SEMA6D: variants seen among roughly 807,000 people sequenced by gnomAD.
The protein encoded by SEMA6D is semaphorin-6D.
Under a neutral mutation model 106.6 loss-of-function variants are expected in SEMA6D, and 35 were observed. The observed-to-expected ratio is 0.33, with a 90% CI of 0.25 to 0.44. The LOEUF is 0.44. SEMA6D is among the 20% of genes least tolerant of loss of function. The pLI is 1.00. For missense variants in SEMA6D, 1,185 were observed against 1,345.9 expected, an observed-to-expected ratio of 0.88 and a Z score of 1.87; for synonymous variants, 499 against 487.7, an observed-to-expected ratio of 1.02 and a Z score of -0.31.
intron 4 of SEMA6D, among the ~76,000 whole-genome samples, chr15:47,696,284 C>G (rs1281416312): frequency 6.6e-6 from 1 of 152,146 alleles, no homozygotes; most frequent in Non-Finnish European, 1.5e-5. Context: ...CATTCTCTAC[C>G]TCTCCCCACA....
intron 3 of SEMA6D, among the ~76,000 whole-genome samples, chr15:47,483,558 T>G (rs2043213620): frequency 6.6e-6 from 1 of 152,204 alleles, no homozygotes; most frequent in Non-Finnish European, 1.5e-5. Context: ...GTCAGGTTTA[T>G]AGTCCATTCA....
At chr15:47,579,689 T>C (rs2076222198) in intron 3 of SEMA6D, among the ~76,000 whole-genome samples, 1 of 152,186 alleles carries the variant, frequency 6.6e-6, no homozygotes, top group Non-Finnish European at 1.5e-5. Flanking sequence ...TCCTGAAGAC[T>C]ACTTGGTAAT....
intron 1 of SEMA6D, among the ~76,000 whole-genome samples, chr15:47,396,016 T>C (rs2040201751): frequency 6.6e-6 from 1 of 152,092 alleles, no homozygotes; most frequent in Non-Finnish European, 1.5e-5. Flanking sequence ...ATGAAATTCA[T>C]GGTTTTATAA....
chr15:47,322,712 A>G (rs1160163325), intron 1 of SEMA6D, among the ~76,000 whole-genome samples: 1 of 152,282 alleles, frequency 6.6e-6, no homozygotes, highest in African/African-American at 2.4e-5. Context: ...CTTTCAGTTA[A>G]TGTTAACATC....
intron 4 of SEMA6D, among the ~76,000 whole-genome samples, chr15:47,677,566 C>A (rs991061218): frequency 2.0e-5 from 3 of 152,186 alleles, no homozygotes; most frequent in Non-Finnish European, 4.4e-5. Flanking sequence ...TTACAAATAT[C>A]TTTGAAAAAG....
At chr15:47,350,499 A>G (rs1028495263) in intron 1 of SEMA6D, among the ~76,000 whole-genome samples, 2 of 152,292 alleles carry the variant, frequency 1.3e-5, no homozygotes, top group South Asian at 2.1e-4. Flanking sequence ...GCAGCAAACC[A>G]CAGACGCTTC....
chr15:47,249,831 A>ATTAGGAGCCTCT (rs2033410361), intron 1 of SEMA6D, among the ~76,000 whole-genome samples: 1 of 152,234 alleles, frequency 6.6e-6, no homozygotes, highest in African/African-American at 2.4e-5. Flanking sequence ...CCTCTCAGCT[A>ATTAGGAGCCTCT]CAAGCTCAAA....
intron 1 of SEMA6D, among the ~76,000 whole-genome samples, chr15:47,317,717 G>C (rs1011770744): frequency 6.6e-6 from 1 of 152,130 alleles, no homozygotes; most frequent in African/African-American, 2.4e-5. Flanking sequence ...TGAGAAGTCA[G>C]ATATGATTCT....
At chr15:47,411,556 A>G (rs959470709) in intron 1 of SEMA6D, among the ~76,000 whole-genome samples, 5 of 152,180 alleles carry the variant, frequency 3.3e-5, no homozygotes, top group Non-Finnish European at 7.3e-5. Context: ...ACACACTCAT[A>G]TACCGGTAGA....
At chr15:47,522,999 C>T (rs138125480) in intron 3 of SEMA6D, among the ~76,000 whole-genome samples, 36 of 152,268 alleles carry the variant, frequency 2.4e-4, no homozygotes, top group African/African-American at 8.4e-4. Flanking sequence ...GTCAAAAGGA[C>T]CACAGCTTTT....
At chr15:47,405,968 T>G (rs900494822) in intron 1 of SEMA6D, among the ~76,000 whole-genome samples, 19 of 152,174 alleles carry the variant, frequency 1.2e-4, no homozygotes, top group African/African-American at 4.6e-4. Flanking sequence ...TCAGAAGTAC[T>G]TGCCACACTT....
intron 1 of SEMA6D, among the ~76,000 whole-genome samples, chr15:47,382,150 GTAT>G (rs1200456050): frequency 8.5e-5 from 13 of 152,120 alleles, no homozygotes; most frequent in Non-Finnish European, 1.5e-4. Context: ...TACAGTAATA[GTAT>G]TATTATATAT....
At chr15:47,456,894 C>T (rs1008769404) in intron 2 of SEMA6D, among the ~76,000 whole-genome samples, 1 of 151,920 alleles carries the variant, frequency 6.6e-6, no homozygotes, top group African/African-American at 2.4e-5. Flanking sequence ...ACAGAGAGAA[C>T]GCTTTTGAGG....
At chr15:47,294,519 G>A (rs1331085673) in intron 1 of SEMA6D, among the ~76,000 whole-genome samples, 2 of 152,152 alleles carry the variant, frequency 1.3e-5, no homozygotes, top group Admixed American at 1.3e-4. Flanking sequence ...ACGGTGCCCA[G>A]CCTTTAATCT....
intron 1 of SEMA6D, among the ~76,000 whole-genome samples, chr15:47,351,875 A>T (rs1297457651): frequency 6.6e-6 from 1 of 152,354 alleles, no homozygotes; most frequent in African/African-American, 2.4e-5. Context: ...AGAGGAAAGT[A>T]CTATGTTTAA....
chr15:47,437,818 A>G (rs6493278), intron 2 of SEMA6D, among the ~76,000 whole-genome samples: 113,578 of 151,964 alleles, frequency 0.75, 42,926 homozygotes, highest in East Asian at 0.98. Context: ...TCTCTCTCTC[A>G]TGTTTGTCTT....
chr15:47,502,765 C>T (rs1052548559), intron 3 of SEMA6D, among the ~76,000 whole-genome samples: 2 of 152,196 alleles, frequency 1.3e-5, no homozygotes, highest in African/African-American at 4.8e-5. Flanking sequence ...TATTAATACT[C>T]TTCCTGCCTT....
intron 13 of SEMA6D, 170 bp from the exon 14 acceptor site, chr15:47,765,699 C>A: frequency 1.6e-6 from 1 of 630,012 alleles, no homozygotes; most frequent in Non-Finnish European, 2.3e-6. Context: ...TTTAACCAAC[C>A]ATGCAGAGAA....
Position 47,770,830 on chromosome 15 carries a change from C to G in SEMA6D, c.2267C>G (p.Ser756Cys), listed in dbSNP as rs748423246. The G allele has an allele frequency of 2.5e-6, 4 of 1,614,016 alleles. No individual in the cohort carries two copies. Among genetic ancestry groups the G allele is most frequent in the Non-Finnish European group, 2.5e-6 (3 of 1,179,980 alleles). Residue 756 changes from serine to cysteine, a missense_variant, in exon 19 of 19, where the codon TCC becomes TGC. By Grantham distance (112) the Ser-to-Cys change is moderately radical. This residue lies in a region of SEMA6D where 750 missense variants were observed against 783.5 expected (regional missense o/e 0.96). Coordinates refer to ENST00000536845, the MANE Select transcript of SEMA6D (RefSeq NM_001358351.3). ...KELPPNGDTK[S>C]MVMDHRGQPP... is the part of the protein sequence containing the mutation. ...CTACCACCCAATGGAGATACTAAATCCATGGTAATGGACCATCGAGGGCAA... is the reference window on the plus strand; with the variant it reads ...CTACCACCCAATGGAGATACTAAATGCATGGTAATGGACCATCGAGGGCAA...
Sources: allele counts gnomAD v4.1 joint callset (sites outside exome capture counted in the v4.1 genomes callset), GRCh38; gene constraint gnomAD v4.1.1; regional missense constraint gnomAD v4.1.1; transcripts MANE v1.5; gene names NCBI Gene and HGNC (gene_info 2026-07-23, HGNC 2026-07-21).